DOCK7: variants seen among roughly 807,000 people sequenced by gnomAD.
DOCK7 encodes the protein dedicator of cytokinesis 7, also known as dedicator of cytokinesis protein 7.
In DOCK7, 138 loss-of-function variants were observed where a neutral mutation model predicts 271.0. The observed-to-expected ratio is 0.51, with a 90% CI of 0.44 to 0.59. The LOEUF (loss-of-function observed/expected upper bound fraction) is 0.59. DOCK7 is among the 20% of genes least tolerant of loss of function. The probability of loss-of-function intolerance (pLI) is 0.00; values close to 1 mark genes in which losing one functional copy is unlikely to be tolerated. For missense variants in DOCK7, 2,066 were observed against 2,592.4 expected, an observed-to-expected ratio of 0.80 and a Z score of 4.41; for synonymous variants, 823 against 876.1, an observed-to-expected ratio of 0.94 and a Z score of 1.07.
rs145437774 is a variant in DOCK7 at position 62,599,609 on chromosome 1, T to C, written c.1683-12985A>G. 3.9e-3 allele frequency among the ~76,000 whole-genome samples: 586 copies of C among 152,176 alleles called. 6 individuals are homozygous for C. Among genetic ancestry groups the C allele is most frequent in the African/African-American group, 0.013 (531 of 41,536 alleles). On this transcript the variant is annotated intron_variant, in intron 14 of 49. Coordinates refer to ENST00000635253, the MANE Select transcript of DOCK7 (RefSeq NM_001367561.1). ...AATACAGGGATTTTTTCCATTATCTTCATATTTTCCATTATTTGTATATAC... is the reference window on the plus strand; with the variant it reads ...AATACAGGGATTTTTTCCATTATCTCCATATTTTCCATTATTTGTATATAC...
At chr1:62,613,459 A>C (rs2149572550) in intron 14 of DOCK7, among the ~76,000 whole-genome samples, 1 of 152,312 alleles carries the variant, frequency 6.6e-6, no homozygotes, top group Admixed American at 6.5e-5. Flanking sequence ...TGTTATTTAA[A>C]GGTGAAAATC....
chr1:62,620,842 C>T (rs1201950712), intron 12 of DOCK7, among the ~76,000 whole-genome samples: 8 of 143,788 alleles, frequency 5.6e-5, no homozygotes, highest in Non-Finnish European at 1.2e-4. Flanking sequence ...TGAGTTCGCA[C>T]CACTGCACTC....
At chr1:62,585,052 C>A (rs1234121149) in intron 15 of DOCK7, among the ~76,000 whole-genome samples, 1 of 152,050 alleles carries the variant, frequency 6.6e-6, no homozygotes, top group African/African-American at 2.4e-5. Context: ...CATCAACTAT[C>A]ATAGTACATT....
chr1:62,534,343 G>A (rs991633889), intron 29 of DOCK7, among the ~76,000 whole-genome samples: 1 of 152,158 alleles, frequency 6.6e-6, no homozygotes, highest in Non-Finnish European at 1.5e-5. Flanking sequence ...GGTCGGTGCA[G>A]TGGCTCACGC....
At chr1:62,506,055 A>G (rs187692699) in intron 35 of DOCK7, among the ~76,000 whole-genome samples, 3 of 152,304 alleles carry the variant, frequency 2.0e-5, no homozygotes, top group Non-Finnish European at 1.5e-5. Context: ...GGAGTAAGAT[A>G]CAATGGCAAG....
At chr1:62,520,360 A>G (rs1237896557) in intron 31 of DOCK7, among the ~76,000 whole-genome samples, 1 of 152,232 alleles carries the variant, frequency 6.6e-6, no homozygotes, top group African/African-American at 2.4e-5. Context: ...CAACTGACAA[A>G]GGGCTAATAT....
intron 21 of DOCK7, chr1:62,555,456 C>G (rs577563397): frequency 3.1e-5 from 5 of 160,410 alleles, no homozygotes; most frequent in African/African-American, 1.2e-4. Context: ...AATTCCTGGG[C>G]TCATGAGATC....
chr1:62,578,760 T>C, intron 17 of DOCK7, 68 bp downstream of exon 17: 1 of 817,012 alleles, frequency 1.2e-6, no homozygotes, highest in South Asian at 2.1e-5. Context: ...ACCAGAAATA[T>C]CAATTATATC....
chr1:62,675,721 C>T (rs1352220357), intron 1 of DOCK7, among the ~76,000 whole-genome samples: 2 of 151,484 alleles, frequency 1.3e-5, no homozygotes, highest in African/African-American at 4.8e-5. Flanking sequence ...GGAAGTGGAG[C>T]TTGCAATGAG....
At chr1:62,665,606 G>A (rs189295726) in intron 1 of DOCK7, among the ~76,000 whole-genome samples, 1,625 of 149,994 alleles carry the variant, frequency 0.011, 37 homozygotes, top group African/African-American at 0.037. Context: ...TTGGGAGGCT[G>A]AGGCAGGAGA....
chr1:62,533,493 G>A (rs977316770), intron 29 of DOCK7, among the ~76,000 whole-genome samples: 7 of 151,568 alleles, frequency 4.6e-5, no homozygotes, highest in African/African-American at 1.2e-4. Flanking sequence ...CAAAAGTGGC[G>A]CCAAGCAGGG....
At chr1:62,521,657 TA>T (rs1644854518) in intron 31 of DOCK7, among the ~76,000 whole-genome samples, 1 of 152,216 alleles carries the variant, frequency 6.6e-6, no homozygotes, top group Non-Finnish European at 1.5e-5. Context: ...AATACATTTC[TA>T]CTAGAATAAA....
intron 37 of DOCK7, among the ~76,000 whole-genome samples, chr1:62,498,587 T>A (rs1156459585): frequency 6.6e-6 from 1 of 151,526 alleles, no homozygotes; most frequent in African/African-American, 2.4e-5. Context: ...CATCTGTTAT[T>A]AAATGAACAT....
rs999735157 is a variant in DOCK7, at chr1:62,618,741, G to A, written c.1647C>T (p.Pro549=). The change falls in exon 14 of 50, where the codon CCC becomes CCT. Residue 549 remains proline, a synonymous_variant. Transcript: ENST00000635253. ...VRPTREILEF[P]ARDVYVPNTT... ...TGTTTGGAACATAAACATCCCTTGC[G>A]GGAAACTCTAAGATTTCTCTGGTAG... 21 of 1,613,460 alleles carry A rather than the reference G, an allele frequency of 1.3e-5. No homozygotes were observed. Among genetic ancestry groups the A allele is most frequent in the South Asian group, 4.4e-5 (4 of 91,062 alleles).
chr1:62,604,418 C>A, intron 14 of DOCK7: 1 of 891,614 alleles, frequency 1.1e-6, no homozygotes, highest in Non-Finnish European at 1.7e-6. Context: ...TATTTTACCT[C>A]TAATCTTCCT....
At position 62,640,448 on chromosome 1, in the gene DOCK7, G is replaced by T. The variant is rs561597600; in HGVS notation, c.819-3845C>A. Among the ~76,000 whole-genome samples, 4 of 152,292 alleles carry T rather than the reference G, an allele frequency of 2.6e-5. No homozygotes were observed. In the South Asian group the frequency reaches 8.3e-4, roughly 32 times the overall value. On this transcript the variant is annotated intron_variant, in intron 7 of 49. Transcript: ENST00000635253. Reference sequence around the variant, plus strand: ...GAGGCAGGAGAATCACTTGAACCCGGGAGGCGGAGGTTGCAGTGAGCCGAG... The same window carrying T: ...GAGGCAGGAGAATCACTTGAACCCGTGAGGCGGAGGTTGCAGTGAGCCGAG...
chr1:62,650,526 A>T (rs991595127), intron 4 of DOCK7, among the ~76,000 whole-genome samples: 1 of 152,136 alleles, frequency 6.6e-6, no homozygotes, highest in African/African-American at 2.4e-5. Flanking sequence ...AATGGGAGAA[A>T]ATTTTTGCAA....
intron 22 of DOCK7, among the ~76,000 whole-genome samples, chr1:62,550,499 G>T (rs1645860780): frequency 6.6e-6 from 1 of 152,074 alleles, no homozygotes; most frequent in African/African-American, 2.4e-5. Flanking sequence ...TTTCCTGGGA[G>T]AACAGGAAAG....
At chr1:62,561,518 A>G in intron 19 of DOCK7, 99 bp downstream of exon 19, 1 of 576,066 alleles carries the variant, frequency 1.7e-6, no homozygotes, top group East Asian at 3.4e-5. Flanking sequence ...GACAGCAATG[A>G]CAGATTTATG....
Sources: allele counts gnomAD v4.1 joint callset (sites outside exome capture counted in the v4.1 genomes callset), GRCh38; gene constraint gnomAD v4.1.1; transcripts MANE v1.5; gene names NCBI Gene and HGNC (gene_info 2026-07-23, HGNC 2026-07-21).